PDE1C: variants seen among roughly 807,000 people sequenced by gnomAD.
PDE1C encodes dual specificity calcium/calmodulin-dependent 3',5'-cyclic nucleotide phosphodiesterase 1C.
In PDE1C, 62 loss-of-function variants were observed where a neutral mutation model predicts 93.1. That is an observed-to-expected ratio of 0.67 (90% CI 0.54 to 0.82). PDE1C has a LOEUF of 0.82. Ranked by LOEUF, PDE1C falls within the 40% of genes least tolerant of loss-of-function variation. The pLI is 0.00. For missense variants in PDE1C, 742 were observed against 884.6 expected, an observed-to-expected ratio of 0.84 and a Z score of 2.04; for synonymous variants, 325 against 310.1, an observed-to-expected ratio of 1.05 and a Z score of -0.50.
chr7:31,833,031 A>C (rs529796796), intron 11 of PDE1C, among the ~76,000 whole-genome samples: 1 of 152,216 alleles, frequency 6.6e-6, no homozygotes, highest in East Asian at 1.9e-4. Context: ...TATAATTCCC[A>C]TGTGTTGTGG....
intron 1 of PDE1C, among the ~76,000 whole-genome samples, chr7:32,387,731 T>C (rs1486332375): frequency 8.5e-6 from 1 of 118,168 alleles, no homozygotes; most frequent in East Asian, 2.4e-4. Context: ...GCAGAGGGGC[T>C]CCTCACTTCC....
chr7:32,328,802 C>A (rs1216959717), intron 1 of PDE1C, among the ~76,000 whole-genome samples: 1 of 152,212 alleles, frequency 6.6e-6, no homozygotes, highest in East Asian at 1.9e-4. Flanking sequence ...TTTCTTTATT[C>A]GCTTGTTCAT....
intron 2 of PDE1C, among the ~76,000 whole-genome samples, chr7:32,177,826 G>T (rs940653711): frequency 1.3e-5 from 2 of 152,112 alleles, no homozygotes; most frequent in African/African-American, 4.8e-5. Flanking sequence ...TTCAATGTCA[G>T]TCACCTCCTG....
chr7:31,840,493 G>C (rs1562899329), intron 9 of PDE1C, among the ~76,000 whole-genome samples: 1 of 151,930 alleles, frequency 6.6e-6, no homozygotes, highest in Non-Finnish European at 1.5e-5. Context: ...TTAAAAAAAT[G>C]CTTCATGCTT....
At chr7:32,284,709 C>A (rs112397911) in intron 1 of PDE1C, among the ~76,000 whole-genome samples, 1 of 152,174 alleles carries the variant, frequency 6.6e-6, no homozygotes, top group Non-Finnish European at 1.5e-5. Flanking sequence ...ACAAGGCACA[C>A]AGCAGAATCA....
chr7:31,996,457 G>A (rs1175849470), intron 2 of PDE1C, among the ~76,000 whole-genome samples: 2 of 152,180 alleles, frequency 1.3e-5, no homozygotes, highest in Non-Finnish European at 2.9e-5. Context: ...AGGCAAAAGG[G>A]AAAGTGTCTT....
At chr7:32,112,826 GTGTGTGTGTGTGTGTGTGTGTATATATA>G (rs1563322818) in intron 3 of PDE1C, among the ~76,000 whole-genome samples, 5 of 117,030 alleles carry the variant, frequency 4.3e-5, no homozygotes, top group South Asian at 2.5e-4. Context: ...GTGTGTGTGT[GTGTGTGTGTGTGTGTGTGTGTATATATA>G]TATATATATA....
At chr7:32,345,882 A>G (rs1225599072) in intron 1 of PDE1C, among the ~76,000 whole-genome samples, 2 of 152,222 alleles carry the variant, frequency 1.3e-5, no homozygotes, top group Non-Finnish European at 2.9e-5. Flanking sequence ...ACCTTCATAC[A>G]TTGCTAGTGG....
intron 9 of PDE1C, among the ~76,000 whole-genome samples, chr7:31,845,381 A>T (rs1792429301): frequency 6.6e-6 from 1 of 152,070 alleles, no homozygotes; most frequent in Non-Finnish European, 1.5e-5. Context: ...GGGTTCTGTT[A>T]TATTGCTCTG....
intron 9 of PDE1C, among the ~76,000 whole-genome samples, chr7:31,844,421 G>C (rs1205720286): frequency 6.6e-6 from 1 of 151,658 alleles, no homozygotes; most frequent in Non-Finnish European, 1.5e-5. Context: ...CATGTTCACA[G>C]GATGTAGCAT....
At chr7:32,307,168 A>C (rs1329229328) in intron 1 of PDE1C, among the ~76,000 whole-genome samples, 1 of 152,168 alleles carries the variant, frequency 6.6e-6, no homozygotes, top group African/African-American at 2.4e-5. Flanking sequence ...ACCTAACACC[A>C]CAATAAAGAT....
In PDE1C at chr7:31,952,944, T is replaced by C. The variant is rs1274554529; in HGVS notation, c.129-72084A>G. On this transcript the variant is annotated intron_variant, in intron 2 of 17. Transcript: ENST00000396191. ...CTACATCTAGTATTGTTTAATTTTC[T>C]ACATGCATCCATCTAGAAACATGGA... 2.6e-5 allele frequency among the ~76,000 whole-genome samples: 4 copies of C among 152,286 alleles called. No individual in the cohort carries two copies. The East Asian group carries it at 5.8e-4, about 22-fold the overall frequency.
the PDE1C span, among the ~76,000 whole-genome samples, chr7:31,679,197 T>C: frequency 6.6e-6 from 1 of 152,290 alleles, no homozygotes; most frequent in Admixed American, 6.5e-5. Context: ...CAGGGTATTC[T>C]GGACAGATGG....
chr7:32,079,707 C>T (rs1796547386), intron 3 of PDE1C, among the ~76,000 whole-genome samples: 1 of 152,216 alleles, frequency 6.6e-6, no homozygotes, highest in Non-Finnish European at 1.5e-5. Flanking sequence ...AAATTAGGCT[C>T]CTGTACATGG....
intron 1 of PDE1C, among the ~76,000 whole-genome samples, chr7:32,410,840 C>A (rs945831864): frequency 6.6e-6 from 1 of 152,190 alleles, no homozygotes; most frequent in Non-Finnish European, 1.5e-5. Context: ...CTCCTTCAGG[C>A]CCACAAGTGT....
chr7:31,833,014 T>C (rs1440888942), intron 11 of PDE1C, among the ~76,000 whole-genome samples: 1 of 152,216 alleles, frequency 6.6e-6, no homozygotes, highest in African/African-American at 2.4e-5. Context: ...TCTTAAATTG[T>C]AGCTCCTATA....
At chr7:31,870,639 ACCAGATGG>A (rs1242146238) in intron 6 of PDE1C, among the ~76,000 whole-genome samples, 1 of 152,068 alleles carries the variant, frequency 6.6e-6, no homozygotes, top group Non-Finnish European at 1.5e-5. Context: ...GAAGTCTAGG[ACCAGATGG>A]CTTCACTATC....
chr7:32,187,152 T>TTCTCTC (rs1265724690), intron 2 of PDE1C, among the ~76,000 whole-genome samples: 1 of 151,938 alleles, frequency 6.6e-6, no homozygotes, highest in Non-Finnish European at 1.5e-5. Context: ...CTCTTTCTCT[T>TTCTCTC]TCTCTCTCTC....
intron 2 of PDE1C, among the ~76,000 whole-genome samples, chr7:31,899,768 T>C (rs729804): frequency 0.43 from 65,035 of 152,032 alleles, 15,722 homozygotes; most frequent in Non-Finnish European, 0.54. Flanking sequence ...CCAGTTCATT[T>C]TGCCCAAAGG....
Sources: gnomAD v4.1 joint callset for allele counts (sites outside exome capture counted in the v4.1 genomes callset) on GRCh38, gnomAD v4.1.1 for gene constraint, MANE v1.5 for transcripts, NCBI Gene and HGNC (gene_info 2026-07-23, HGNC 2026-07-21) for gene names.